Variants in FRAS1 observed in about 807,000 individuals in gnomAD.
The protein encoded by FRAS1 is extracellular matrix organizing protein FRAS1.
Under a neutral mutation model 435.2 loss-of-function variants are expected in FRAS1, and 290 were observed. The ratio of observed to expected loss-of-function variants is 0.67; its 90% CI spans 0.61 to 0.73. The LOEUF (loss-of-function observed/expected upper bound fraction) is 0.73, where lower values mean the gene tolerates loss of function less well. Ranked by LOEUF, FRAS1 falls within the 30% of genes least tolerant of loss-of-function variation. The pLI, the probability that FRAS1 is intolerant of heterozygous loss-of-function variation, is 0.00. For synonymous variants in FRAS1, 1,800 were observed against 1,851.0 expected, an observed-to-expected ratio of 0.97 and a Z score of 0.71; for missense variants, 4,860 against 5,001.5, an observed-to-expected ratio of 0.97 and a Z score of 0.85.
At chr4:78,506,571 A>T (rs537628826) in intron 61 of FRAS1, among the ~76,000 whole-genome samples, 1 of 152,356 alleles carries the variant, frequency 6.6e-6, no homozygotes, top group African/African-American at 2.4e-5. Flanking sequence ...CATGGGAGAG[A>T]ATCCCCTGGT....
At chr4:78,196,209 G>A (rs564745951) in intron 2 of FRAS1, among the ~76,000 whole-genome samples, 5 of 151,980 alleles carry the variant, frequency 3.3e-5, no homozygotes, top group Non-Finnish European at 7.4e-5. Flanking sequence ...GGGTTTCACC[G>A]TGTTAGCCAG....
intron 47 of FRAS1, among the ~76,000 whole-genome samples, chr4:78,456,339 C>T (rs1381060101): frequency 2.0e-5 from 3 of 151,908 alleles, no homozygotes; most frequent in African/African-American, 2.4e-5. Context: ...GACAGGGTTT[C>T]GCCATGTTGG....
At chr4:78,145,605 C>T (rs1007098035) in intron 2 of FRAS1, among the ~76,000 whole-genome samples, 10 of 152,112 alleles carry the variant, frequency 6.6e-5, no homozygotes, top group Admixed American at 2.6e-4. Context: ...ATACACATAG[C>T]CTCAATGAGC....
intron 2 of FRAS1, among the ~76,000 whole-genome samples, chr4:78,133,878 A>G (rs1719799536): frequency 6.6e-6 from 1 of 152,078 alleles, no homozygotes; most frequent in Admixed American, 6.5e-5. Flanking sequence ...ACCTAATCCA[A>G]ACATTTTACT....
At chr4:78,304,469 C>G (rs539304311) in intron 14 of FRAS1, among the ~76,000 whole-genome samples, 2 of 152,132 alleles carry the variant, frequency 1.3e-5, no homozygotes, top group Admixed American at 1.3e-4. Context: ...CCTCTGGTAG[C>G]ATTCGGCTGT....
intron 2 of FRAS1, among the ~76,000 whole-genome samples, chr4:78,221,088 A>G (rs1724033251): frequency 6.6e-6 from 1 of 152,180 alleles, no homozygotes; most frequent in South Asian, 2.1e-4. Context: ...GGATGGCTTG[A>G]GCCCAGGAGG....
At chr4:78,302,961 G>A (rs912179068) in intron 14 of FRAS1, among the ~76,000 whole-genome samples, 1 of 152,088 alleles carries the variant, frequency 6.6e-6, no homozygotes, top group Non-Finnish European at 1.5e-5. Flanking sequence ...GTAATGCCTA[G>A]GTTTTCTTCT....
At chr4:78,388,513 T>C (rs970574398) in intron 29 of FRAS1, among the ~76,000 whole-genome samples, 5 of 152,022 alleles carry the variant, frequency 3.3e-5, no homozygotes, top group African/African-American at 9.7e-5. Flanking sequence ...ATAAAGAGCA[T>C]TGGGCCAGGT....
intron 24 of FRAS1, 79 bp downstream of exon 24, chr4:78,372,937 G>A: frequency 7.0e-7 from 1 of 1,428,060 alleles, no homozygotes; most frequent in South Asian, 1.5e-5. Flanking sequence ...GAAGGAAACA[G>A]TGGCAAGTTT....
In FRAS1 at chr4:78,540,840, G is replaced by A; in HGVS notation, c.11755G>A (p.Val3919Met). 6.2e-7 allele frequency: 1 copy of A among 1,613,972 alleles called. No homozygotes were observed. The change falls in exon 74 of 74, where the codon GTG becomes ATG. Residue 3919 changes from valine (V) to methionine (M), a missense_variant. Val to Met is a conservative substitution (Grantham distance 21). Transcript: ENST00000512123. ...GGCTGCAATCATGCTTCTACTTCTG[G>A]TGTTTTTGGTGGCTTGTTTTATCAA... is the stretch of plus-strand genomic sequence containing the variant. ...ALAAIMLLLL[V>M]FLVACFINRK...
chr4:78,511,366 G>A lies in FRAS1; in HGVS notation c.9873G>A (p.Arg3291=), dbSNP rs1233100437. The part of the protein sequence containing the change: ...DKVGHVGTPL[R]SNIVTIGTDS... ...TGGGCCATGTGGGGACCCCCTTAAG[G>A]AGCAACATTGTTACCATTGGAACAG... is the stretch of plus-strand genomic sequence containing the variant. The change falls in exon 64 of 74, where the codon AGG becomes AGA. Residue 3291 remains arginine, a synonymous_variant. Coordinates refer to ENST00000512123, the MANE Select transcript of FRAS1 (RefSeq NM_025074.7). 1.2e-6 allele frequency: 2 copies of A among 1,613,796 alleles called. No individual in the cohort carries two copies. Among genetic ancestry groups the A allele is most frequent in the East Asian group, 2.2e-5 (1 of 44,886 alleles).
At chr4:78,371,991 C>T (rs1428376211) in intron 23 of FRAS1, among the ~76,000 whole-genome samples, 3 of 152,154 alleles carry the variant, frequency 2.0e-5, no homozygotes, top group Non-Finnish European at 4.4e-5. Flanking sequence ...GGTTAGACCC[C>T]TCTAGAACAT....
At chr4:78,076,259 A>G (rs1322451700) in intron 2 of FRAS1, among the ~76,000 whole-genome samples, 5 of 152,156 alleles carry the variant, frequency 3.3e-5, no homozygotes, top group African/African-American at 1.2e-4. Flanking sequence ...TTAGTTCAGC[A>G]AAAGTGGGTT....
In FRAS1 at chr4:78,511,498, T is replaced by G; in HGVS notation, c.10005T>G (p.His3335Gln). The G allele has an allele frequency of 2.5e-6, 4 of 1,612,726 alleles. No homozygotes were observed. The highest frequency in any genetic ancestry group is 3.4e-6 in the Non-Finnish European group (4 of 1,179,148). Residue 3335 changes from histidine to glutamine, a missense_variant, in exon 64 of 74, where the codon CAT (histidine) becomes CAG (glutamine). By Grantham distance (24) the His-to-Gln change is conservative. Transcript: ENST00000512123. ...LKYLDVKHKE[H>Q]PNRIHISVQI... Reference sequence around the variant, plus strand: ...ACCTGGATGTCAAACATAAGGAGCATCCGAACAGGTCAGGCAGGTGGTGCC... The same window carrying G: ...ACCTGGATGTCAAACATAAGGAGCAGCCGAACAGGTCAGGCAGGTGGTGCC...
chr4:78,100,070 A>C (rs1383807106), intron 2 of FRAS1, among the ~76,000 whole-genome samples: 1 of 152,228 alleles, frequency 6.6e-6, no homozygotes, highest in Non-Finnish European at 1.5e-5. Flanking sequence ...GATAATATCC[A>C]TCCTAATTTC....
intron 58 of FRAS1, among the ~76,000 whole-genome samples, chr4:78,485,700 C>T (rs9995258): frequency 0.014 from 2,166 of 152,216 alleles, 58 homozygotes; most frequent in African/African-American, 0.047. Context: ...ACTTGTGAAA[C>T]CAAGTTTGAA....
At chr4:78,243,862 G>A (rs529703970) in intron 3 of FRAS1, among the ~76,000 whole-genome samples, 1 of 152,196 alleles carries the variant, frequency 6.6e-6, no homozygotes, top group East Asian at 1.9e-4. Flanking sequence ...TTCCATGTTA[G>A]ACTATCAACA....
At chr4:78,227,877 A>G (rs1724341965) in intron 2 of FRAS1, among the ~76,000 whole-genome samples, 1 of 152,234 alleles carries the variant, frequency 6.6e-6, no homozygotes, top group African/African-American at 2.4e-5. Context: ...CAGCAATGAC[A>G]TCATAAAATA....
At chr4:78,429,853 C>T (rs957337749) in intron 36 of FRAS1, among the ~76,000 whole-genome samples, 10 of 152,186 alleles carry the variant, frequency 6.6e-5, no homozygotes, top group African/African-American at 2.4e-4. Context: ...GGATGCCTGT[C>T]ACTTTAACCC....
Sources: gnomAD v4.1 joint callset for allele counts (sites outside exome capture counted in the v4.1 genomes callset) on GRCh38, gnomAD v4.1.1 for gene constraint, MANE v1.5 for transcripts, NCBI Gene and HGNC (gene_info 2026-07-23, HGNC 2026-07-21) for gene names.